Variants in CDK5RAP2 observed in about 807,000 individuals in gnomAD.
CDK5RAP2 encodes CDK5 regulatory subunit-associated protein 2.
In CDK5RAP2, 147 loss-of-function variants were observed where a neutral mutation model predicts 232.9. The observed-to-expected ratio is 0.63, with a 90% confidence interval of 0.55 to 0.72. CDK5RAP2 has a LOEUF of 0.72. Ranked by LOEUF, CDK5RAP2 falls within the 30% of genes least tolerant of loss-of-function variation. The pLI, the probability that CDK5RAP2 is intolerant of heterozygous loss-of-function variation, is 0.00. For missense variants in CDK5RAP2, 2,195 were observed against 2,231.5 expected, an observed-to-expected ratio of 0.98 and a Z score of 0.33; for synonymous variants, 833 against 833.7, an observed-to-expected ratio of 1.00 and a Z score of 0.01.
chr9:120,532,118 G>A (rs1279497567), intron 7 of CDK5RAP2, among the ~76,000 whole-genome samples: 1 of 152,076 alleles, frequency 6.6e-6, no homozygotes, highest in African/African-American at 2.4e-5. Context: ...CCATCTAAGG[G>A]GAGGGGTAGC....
At chr9:120,394,486 T>C (rs1411714452) in intron 36 of CDK5RAP2, 26 bp downstream of exon 36, 8 of 1,613,940 alleles carry the variant, frequency 5.0e-6, no homozygotes, top group Non-Finnish European at 6.8e-6. Context: ...TGGTCAGGCA[T>C]AGCGGCCACC....
chr9:120,403,409 G>C lies in CDK5RAP2; in HGVS notation c.5042-338C>G, dbSNP rs2033206329. On this transcript the variant is annotated intron_variant, in intron 33 of 37. Coordinates refer to ENST00000349780, the MANE Select transcript of CDK5RAP2 (RefSeq NM_018249.6). This position sits in a 1 kb window ranked among gnomAD's most constrained non-coding sequence, Gnocchi z 4.2. ...GATCAGAACACAGACACTGCAGAAG[G>C]TGCAACAGCAGAGTGATGAAGGGCC... is the stretch of plus-strand genomic sequence containing the variant. 1 of 355,478 alleles carries C rather than the reference G, an allele frequency of 2.8e-6. No individual in the cohort carries two copies. The highest frequency in any genetic ancestry group is 2.1e-5 in the African/African-American group (1 of 48,176). The allele number at this position is 355,478 out of a possible 1,614,324, so 22.0% of individuals were successfully genotyped here. A position where few individuals can be genotyped will look rare whatever the true frequency, so the allele number is the denominator to read the frequency against.
At chr9:120,409,056 T>C in intron 30 of CDK5RAP2, 71 bp downstream of exon 30, 1 of 1,472,572 alleles carries the variant, frequency 6.8e-7, no homozygotes, top group African/African-American at 1.4e-5. Context: ...TGCGTGCTGA[T>C]TCCACGACTG....
intron 16 of CDK5RAP2, 49 bp downstream of exon 16, chr9:120,471,699 C>A: frequency 6.2e-7 from 1 of 1,613,224 alleles, no homozygotes; most frequent in Non-Finnish European, 8.5e-7. Context: ...TCAGTCCATG[C>A]CCTCCAAGTG....
At chr9:120,516,850 A>G (rs2040362901) in intron 12 of CDK5RAP2, among the ~76,000 whole-genome samples, 1 of 152,204 alleles carries the variant, frequency 6.6e-6, no homozygotes, top group Non-Finnish European at 1.5e-5. Context: ...ATGTACATAT[A>G]TACATAGGCA....
At position 120,410,553 on chromosome 9, in the gene CDK5RAP2, T is replaced by C. The variant is rs565170915; in HGVS notation, c.4414+805A>G. 6.6e-5 allele frequency among the ~76,000 whole-genome samples: 10 copies of C among 152,330 alleles called. No homozygotes were observed. The East Asian group carries it at 1.9e-3, about 29-fold the overall frequency. ...TTTGGCTGTCTCTCCCATCAGACTA[T>C]GAGCTCCCTGAGGGAAGGGATGAAA... On this transcript the variant is annotated intron_variant, in intron 29 of 37. Coordinates refer to ENST00000349780, the MANE Select transcript of CDK5RAP2 (RefSeq NM_018249.6).
intron 36 of CDK5RAP2, among the ~76,000 whole-genome samples, chr9:120,390,873 T>C (rs1298493778): frequency 6.6e-6 from 1 of 152,106 alleles, no homozygotes; most frequent in African/African-American, 2.4e-5. Context: ...AAAATTTCCA[T>C]CTGGAGGTAA....
intron 12 of CDK5RAP2, among the ~76,000 whole-genome samples, chr9:120,511,014 C>T (rs1375210469): frequency 6.6e-6 from 1 of 152,172 alleles, no homozygotes; most frequent in Non-Finnish European, 1.5e-5. Flanking sequence ...TAGGTCACTG[C>T]AATCACAGGC....
At chr9:120,509,760 T>A (rs2039992661) in intron 12 of CDK5RAP2, among the ~76,000 whole-genome samples, 1 of 152,202 alleles carries the variant, frequency 6.6e-6, no homozygotes, top group Non-Finnish European at 1.5e-5. Context: ...ATTATTCTGA[T>A]AAGAAATGGG....
chr9:120,521,377 C>T (rs537249438), intron 11 of CDK5RAP2, among the ~76,000 whole-genome samples: 1 of 152,276 alleles, frequency 6.6e-6, no homozygotes, highest in South Asian at 2.1e-4. Context: ...CCAATCTCAT[C>T]CTGAATTGTA....
chr9:120,393,558 C>A (rs572871661), intron 36 of CDK5RAP2, among the ~76,000 whole-genome samples: 28 of 152,342 alleles, frequency 1.8e-4, no homozygotes, highest in African/African-American at 4.3e-4. Flanking sequence ...GTCAGCAGTT[C>A]TCTTAAGACA....
chr9:120,520,357 T>C (rs891271158), intron 11 of CDK5RAP2, among the ~76,000 whole-genome samples: 1 of 152,162 alleles, frequency 6.6e-6, no homozygotes, highest in African/African-American at 2.4e-5. Context: ...AATATGATAC[T>C]CAGGCTGGGC....
chr9:120,423,723 T>C (rs1490152152), intron 25 of CDK5RAP2, among the ~76,000 whole-genome samples: 4 of 152,168 alleles, frequency 2.6e-5, no homozygotes, highest in Admixed American at 6.5e-5. Context: ...TCTTCTACAG[T>C]TGTACTTGAA....
chr9:120,439,316 T>C lies in CDK5RAP2; in HGVS notation c.3722+83A>G, dbSNP rs2035759774. 1.7e-5 allele frequency: 20 copies of C among 1,170,380 alleles called. No homozygotes were observed. In the South Asian group the frequency reaches 2.1e-4, roughly 12 times the overall value. 72.5% of individuals were successfully genotyped at this position (1,170,380 alleles called of 1,614,324 possible). A position where few individuals can be genotyped will look rare whatever the true frequency, so the allele number is the denominator to read the frequency against. ...CTCTACCCATCACAGAGTAGTGTTC[T>C]CTTTTAGCTCATGGGCTCCCACCTA... On this transcript the variant is annotated intron_variant, in intron 24 of 37. Transcript: ENST00000349780.
Position 120,415,164 on chromosome 9 carries a change from AG to A in CDK5RAP2, c.4178-6del, listed in dbSNP as rs2034137513. On this transcript the variant is annotated splice_region_variant and splice_polypyrimidine_tract_variant and intron_variant, in intron 27 of 37. Coordinates refer to ENST00000349780, the MANE Select transcript of CDK5RAP2 (RefSeq NM_018249.6). ...GTATGTGTTCCATTAGTAAGTCTAC[AG>A]GAAGGAAGCCATTTTTAATTTAAAG... The A allele has an allele frequency of 1.9e-6, 3 of 1,614,020 alleles. No individual in the cohort carries two copies. The highest frequency in any genetic ancestry group is 1.7e-6 in the Non-Finnish European group (2 of 1,179,856).
intron 12 of CDK5RAP2, among the ~76,000 whole-genome samples, chr9:120,504,408 T>C (rs1034427741): frequency 6.6e-6 from 1 of 152,110 alleles, no homozygotes; most frequent in African/African-American, 2.4e-5. Context: ...CTCTCATCAC[T>C]CAGATTAGTA....
chr9:120,549,682 T>C (rs2041980186), intron 4 of CDK5RAP2, among the ~76,000 whole-genome samples: 2 of 152,198 alleles, frequency 1.3e-5, no homozygotes, highest in Admixed American at 6.5e-5. Flanking sequence ...CTGATAGAGT[T>C]GGCAACAGAC....
intron 15 of CDK5RAP2, among the ~76,000 whole-genome samples, chr9:120,474,175 A>C (rs1256976509): frequency 6.6e-6 from 1 of 152,196 alleles, no homozygotes; most frequent in Non-Finnish European, 1.5e-5. Flanking sequence ...ATTACATGGG[A>C]AAGACGTTAG....
In CDK5RAP2 at chr9:120,477,331, T is replaced by C. The variant is rs761644146; in HGVS notation, c.1727+19A>G. 8 of 1,561,976 alleles carry C rather than the reference T, an allele frequency of 5.1e-6. No homozygotes were observed. The highest frequency in any genetic ancestry group is 1.7e-4 in the Middle Eastern group (1 of 5,974). On this transcript the variant is annotated intron_variant, in intron 15 of 37. Coordinates refer to ENST00000349780, the MANE Select transcript of CDK5RAP2 (RefSeq NM_018249.6). ...TGTGTTCGCATTCACATGTGTGATG[T>C]CCAGACAGAAACGCTTACCTGTCTG...
Sources: allele counts gnomAD v4.1 joint callset (sites outside exome capture counted in the v4.1 genomes callset), GRCh38; gene constraint gnomAD v4.1.1; non-coding constraint Gnocchi (gnomAD v3.1); transcripts MANE v1.5; gene names NCBI Gene and HGNC (gene_info 2026-07-23, HGNC 2026-07-21).